WBP2NL: variants seen among roughly 807,000 people sequenced by gnomAD.
WBP2NL encodes postacrosomal sheath WW domain-binding protein.
In WBP2NL, 27 loss-of-function variants were observed where a neutral mutation model predicts 23.3. The observed-to-expected ratio is 1.16, with a 90% CI of 0.85 to 1.60. The LOEUF is 1.60. WBP2NL is among the 40% of genes most tolerant of loss of function. The probability of loss-of-function intolerance (pLI) is 0.00; values close to 1 mark genes in which losing one functional copy is unlikely to be tolerated. For missense variants in WBP2NL, 370 were observed against 389.5 expected, an observed-to-expected ratio of 0.95 and a Z score of 0.42; for synonymous variants, 151 against 145.9, an observed-to-expected ratio of 1.03 and a Z score of -0.25.
At chr22:42,020,888 ATATATATATATATATATATATTTTTTTT>A (rs1923873532) in intron 4 of WBP2NL, among the ~76,000 whole-genome samples, 1 of 48,910 alleles carries the variant, frequency 2.0e-5, no homozygotes, top group African/African-American at 9.3e-5. Flanking sequence ...ATATATATAT[ATATATATATATATATATATATTTTTTTT>A]TTTTTTTTTT....
At chr22:42,001,248 T>C (rs772833958) in intron 1 of WBP2NL, 1 of 695,344 alleles carries the variant, frequency 1.4e-6, no homozygotes, top group Non-Finnish European at 2.7e-6. Context: ...CCTGACTGCA[T>C]CATCATGTAG....
intron 8 of WBP2NL, among the ~76,000 whole-genome samples, chr22:42,051,257 A>C (rs1483380997): frequency 6.6e-6 from 1 of 152,196 alleles, no homozygotes; most frequent in Non-Finnish European, 1.5e-5. Context: ...AAGGCTATTT[A>C]CTGTATGATT....
chr22:42,049,790 G>GA (rs999256705), intron 8 of WBP2NL, among the ~76,000 whole-genome samples: 1 of 137,798 alleles, frequency 7.3e-6, no homozygotes, highest in Non-Finnish European at 1.6e-5. Context: ...CATGAAAAAA[G>GA]AAAAAAATAA....
intron 1 of WBP2NL, among the ~76,000 whole-genome samples, chr22:42,015,371 C>A (rs933073095): frequency 6.6e-6 from 1 of 152,114 alleles, no homozygotes; most frequent in Admixed American, 6.6e-5. Flanking sequence ...AGGCAGTTTA[C>A]AACTCTGCCT....
intron 1 of WBP2NL, among the ~76,000 whole-genome samples, chr22:42,015,333 A>G (rs1326928430): frequency 1.3e-5 from 2 of 152,152 alleles, no homozygotes; most frequent in African/African-American, 2.4e-5. Flanking sequence ...TGTGTGTTGG[A>G]GCATGAGCGT....
At chr22:42,053,463 TC>T (rs1925909664) in intron 8 of WBP2NL, among the ~76,000 whole-genome samples, 1 of 151,946 alleles carries the variant, frequency 6.6e-6, no homozygotes, top group African/African-American at 2.4e-5. Flanking sequence ...TTTTTCTTTT[TC>T]TTTTTCTTTT....
intron 1 of WBP2NL, among the ~76,000 whole-genome samples, chr22:42,012,348 GC>G (rs1922899741): frequency 6.6e-6 from 1 of 152,048 alleles, no homozygotes; most frequent in South Asian, 2.1e-4. Context: ...CACATCTGCA[GC>G]TATAAACATC....
chr22:42,015,764 G>A (rs889162607), intron 1 of WBP2NL, among the ~76,000 whole-genome samples: 1 of 152,122 alleles, frequency 6.6e-6, no homozygotes, highest in Non-Finnish European at 1.5e-5. Context: ...CAGTGTGTGT[G>A]TGTGTTTCAT....
At chr22:42,054,201 T>A (rs751277855) in intron 8 of WBP2NL, among the ~76,000 whole-genome samples, 22 of 152,154 alleles carry the variant, frequency 1.4e-4, no homozygotes, top group Non-Finnish European at 2.8e-4. Context: ...AAAAATTTTT[T>A]TTTTGAGACA....
Position 42,040,309 on chromosome 22 carries a change from G to A in WBP2NL, c.*273+9486G>A, listed in dbSNP as rs1925356191. On this transcript the variant is annotated intron_variant and NMD_transcript_variant, in intron 8 of 8. Transcript: ENST00000436265. ...GCGATCTCAGCTCACTGCAACCTCC[G>A]CCTCCTGGGTTCAAGTAATTCTCCT... Among the ~76,000 whole-genome samples the A allele has an allele frequency of 2.7e-5, 4 of 150,682 alleles. No individual in the cohort carries two copies. In the South Asian group the frequency reaches 8.4e-4, roughly 32 times the overall value.
At chr22:42,021,753 C>T (rs1172884581) in intron 4 of WBP2NL, among the ~76,000 whole-genome samples, 8 of 151,296 alleles carry the variant, frequency 5.3e-5, no homozygotes. Context: ...AGACACGTGC[C>T]ATTCAGGACA....
intron 5 of WBP2NL, among the ~76,000 whole-genome samples, chr22:42,025,536 C>T (rs1924396214): frequency 6.6e-6 from 1 of 152,146 alleles, no homozygotes; most frequent in South Asian, 2.1e-4. Context: ...CTTTTACGTG[C>T]AGATATCCAG....
At chr22:42,017,197 A>G (rs1456479494) in intron 1 of WBP2NL, among the ~76,000 whole-genome samples, 2 of 152,026 alleles carry the variant, frequency 1.3e-5, no homozygotes, top group African/African-American at 4.8e-5. Flanking sequence ...GATCACTGCA[A>G]TCTGTGCCCC....
At chr22:42,010,522 T>C (rs1922706141) in intron 1 of WBP2NL, among the ~76,000 whole-genome samples, 1 of 152,258 alleles carries the variant, frequency 6.6e-6, no homozygotes, top group South Asian at 2.1e-4. Flanking sequence ...TGAAAATATA[T>C]TGAACCTTTT....
intron 1 of WBP2NL, among the ~76,000 whole-genome samples, chr22:42,011,487 G>T (rs1433312773): frequency 6.6e-6 from 1 of 151,670 alleles, no homozygotes; most frequent in African/African-American, 2.4e-5. Context: ...TCCTGGCCTC[G>T]AGCAATCCTC....
chr22:42,017,415 A>AC lies in WBP2NL; in HGVS notation c.63-1895dup, dbSNP rs577390441. 6.6e-5 allele frequency among the ~76,000 whole-genome samples: 10 copies of AC among 152,186 alleles called. 1 individual carries two copies. The South Asian group carries it at 2.1e-3, about 32-fold the overall frequency. The stretch of plus-strand genomic sequence containing the variant: ...GTGAGCCACTGTGCCCAGCCAGAAT[A>AC]CTACCCATCTCTTAATCAGCTCAAA... On this transcript the variant is annotated intron_variant, in intron 1 of 5. Coordinates refer to ENST00000328823, the MANE Select transcript of WBP2NL (RefSeq NM_152613.3).
At chr22:42,046,316 A>T (rs762378002) in intron 8 of WBP2NL, among the ~76,000 whole-genome samples, 1 of 152,208 alleles carries the variant, frequency 6.6e-6, no homozygotes, top group Non-Finnish European at 1.5e-5. Flanking sequence ...CTAGATTGCT[A>T]TTATTTGGTC....
chr22:42,009,531 G>A (rs1447838672), intron 1 of WBP2NL, among the ~76,000 whole-genome samples: 1 of 152,084 alleles, frequency 6.6e-6, no homozygotes, highest in East Asian at 1.9e-4. Flanking sequence ...TTTGCATGTG[G>A]ATATCCAGTT....
intron 1 of WBP2NL, among the ~76,000 whole-genome samples, chr22:42,005,644 C>T (rs1922159012): frequency 6.6e-6 from 1 of 152,168 alleles, no homozygotes. Context: ...GAAACAATAA[C>T]CAATACAGTA....
Sources: gnomAD v4.1 joint callset for allele counts (sites outside exome capture counted in the v4.1 genomes callset) on GRCh38, gnomAD v4.1.1 for gene constraint, MANE v1.5 for transcripts, NCBI Gene and HGNC (gene_info 2026-07-23, HGNC 2026-07-21) for gene names.